The following ZNF565 variants were observed in gnomAD, a reference collection of about 807,000 sequenced individuals.
ZNF565 encodes zinc finger protein 565.
Under a neutral mutation model 39.4 loss-of-function variants are expected in ZNF565, and 27 were observed. The ratio of observed to expected loss-of-function variants is 0.69; its 90% confidence interval spans 0.51 to 0.95. The LOEUF (loss-of-function observed/expected upper bound fraction) is 0.95, where lower values mean the gene tolerates loss of function less well. Ranked by LOEUF, ZNF565 falls within the 40% of genes least tolerant of loss-of-function variation. ZNF565 has a pLI of 0.00. For synonymous variants in ZNF565, 185 were observed against 216.6 expected (o/e 0.85, Z 1.28); for missense variants, 524 against 621.1 (o/e 0.84, Z 1.66).
intron 1 of ZNF565, among the ~76,000 whole-genome samples, chr19:36,239,127 G>T (rs1977752299): frequency 6.6e-6 from 1 of 152,146 alleles, no homozygotes; most frequent in Admixed American, 6.6e-5. Context: ...GGGGACCGCT[G>T]CACTATATGA....
chr19:36,192,082 G>A (rs1975572760), intron 4 of ZNF565, among the ~76,000 whole-genome samples: 1 of 149,982 alleles, frequency 6.7e-6, no homozygotes, highest in South Asian at 2.1e-4. Flanking sequence ...TCCGCCTCCC[G>A]GGTTCAAGCG....
chr19:36,244,147 C>T (rs905571073), intron 1 of ZNF565, among the ~76,000 whole-genome samples: 2 of 151,918 alleles, frequency 1.3e-5, no homozygotes, highest in African/African-American at 4.8e-5. Flanking sequence ...GTCTGAGTGG[C>T]TGGGGGCAGG....
At chr19:36,206,286 C>A (rs1976150953) in intron 1 of ZNF565, among the ~76,000 whole-genome samples, 1 of 151,784 alleles carries the variant, frequency 6.6e-6, no homozygotes, top group African/African-American at 2.4e-5. Context: ...TGGGAAGAGA[C>A]AACCAACAAA....
intron 4 of ZNF565, among the ~76,000 whole-genome samples, chr19:36,190,933 A>C (rs1196246873): frequency 1.3e-5 from 2 of 150,658 alleles, no homozygotes; most frequent in Non-Finnish European, 3.0e-5. Flanking sequence ...CTGAGGTTGC[A>C]ATGAGCTGAG....
Position 36,245,407 on chromosome 19 carries a change from C to T in ZNF565, c.55+69G>A, listed in dbSNP as rs1215901677. On this transcript the variant is annotated intron_variant, in intron 1 of 4. Transcript: ENST00000355114. The surrounding 1 kb of genome is among the most constrained non-coding windows in gnomAD (Gnocchi z 4.4). ...AGTCACTGCGACCCGGAAAGCTCCGCGCTTACGACGCCCACCCAGAAAATC... is the reference window on the plus strand; with the variant it reads ...AGTCACTGCGACCCGGAAAGCTCCGTGCTTACGACGCCCACCCAGAAAATC... 1 of 700,450 alleles carries T rather than the reference C, an allele frequency of 1.4e-6. No homozygotes were observed. The highest frequency in any genetic ancestry group is 2.6e-6 in the Non-Finnish European group (1 of 383,884). 43.4% of individuals were successfully genotyped at this position (700,450 alleles called of 1,614,324 possible).
At chr19:36,210,829 C>T (rs1976327681) in intron 1 of ZNF565, among the ~76,000 whole-genome samples, 1 of 151,908 alleles carries the variant, frequency 6.6e-6, no homozygotes, top group Admixed American at 6.6e-5. Flanking sequence ...CCAATGGTCC[C>T]CGGGAAATTT....
chr19:36,198,053 G>T (rs1568417425), intron 2 of ZNF565, among the ~76,000 whole-genome samples: 1 of 152,006 alleles, frequency 6.6e-6, no homozygotes, highest in East Asian at 1.9e-4. Context: ...GGAGGCTGAG[G>T]CAGGAGAATC....
At chr19:36,221,235 A>G (rs1976821278) in intron 1 of ZNF565, among the ~76,000 whole-genome samples, 1 of 151,768 alleles carries the variant, frequency 6.6e-6, no homozygotes, top group African/African-American at 2.4e-5. Context: ...TTATGTTACT[A>G]AATTAACATA....
intron 1 of ZNF565, among the ~76,000 whole-genome samples, chr19:36,220,310 TAAATGG>T (rs1568429026): frequency 3.3e-5 from 5 of 150,582 alleles, no homozygotes; most frequent in East Asian, 2.0e-4. Context: ...TAATTCACTT[TAAATGG>T]TATAGTATTT....
At chr19:36,216,395 C>G (rs934590757), upstream of ZNF565, among the ~76,000 whole-genome samples, 16 of 152,022 alleles carry the variant, frequency 1.1e-4, no homozygotes, top group Admixed American at 1.0e-3. Context: ...AATCCTAGCA[C>G]TTTGGGAGGC....
chr19:36,190,331 C>T (rs1034470469), intron 4 of ZNF565, among the ~76,000 whole-genome samples: 4 of 151,442 alleles, frequency 2.6e-5, no homozygotes, highest in African/African-American at 9.7e-5. Context: ...AATCCCAGCA[C>T]TTTGTGAGGC....
chr19:36,243,588 AG>A lies in ZNF565; in HGVS notation c.55+1887del, dbSNP rs773884994. ...TCCTTTATCTTTTGGCTTTGGAAGG[AG>A]GGAAGTCTCAGAGCTGTGTGATGGG... On this transcript the variant is annotated intron_variant, in intron 1 of 4. Coordinates refer to the ZNF565 transcript ENST00000355114. Among the ~76,000 whole-genome samples the A allele has an allele frequency of 9.3e-4, 141 of 152,286 alleles. 1 individual carries two copies. Among genetic ancestry groups the A allele is most frequent in the Non-Finnish European group, 1.9e-3 (131 of 68,026 alleles).
At position 36,194,214 on chromosome 19, in the gene ZNF565, G is replaced by A. The variant is rs374652505; in HGVS notation, c.232+19C>T. 2.7e-5 allele frequency: 43 copies of A among 1,598,428 alleles called. No individual in the cohort carries two copies. In the African/African-American group the frequency reaches 3.9e-4, roughly 14 times the overall value. On this transcript the variant is annotated intron_variant, in intron 4 of 4. Coordinates refer to ENST00000304116, the MANE Select transcript of ZNF565 (RefSeq NM_152477.5). ...ACTCATCCAGGGACCTTCCCCTGTC[G>A]AAATCGGCCCTCGCTTACCTGGGCA...
chr19:36,199,912 C>CA (rs1363617088), intron 2 of ZNF565, among the ~76,000 whole-genome samples: 2 of 152,124 alleles, frequency 1.3e-5, no homozygotes, highest in African/African-American at 4.8e-5. Context: ...CCTCCTACCT[C>CA]AGCCTCCCAA....
intron 1 of ZNF565, among the ~76,000 whole-genome samples, chr19:36,230,331 T>C (rs1348787658): frequency 6.6e-6 from 1 of 152,226 alleles, no homozygotes; most frequent in Non-Finnish European, 1.5e-5. Flanking sequence ...AAATGTCAGC[T>C]ATCAAAACAG....
rs1599908947 is a variant in ZNF565 at position 36,184,990 on chromosome 19, C to T, written c.233-1257G>A. On this transcript the variant is annotated intron_variant, in intron 4 of 4. Coordinates refer to ENST00000304116, the MANE Select transcript of ZNF565 (RefSeq NM_152477.5). ...AAAAATTAGCAGGCATGGTGGCAGG[C>T]GCCTATAATCCCAGCTGCTTGGGAG... 2.0e-5 allele frequency among the ~76,000 whole-genome samples: 3 copies of T among 151,778 alleles called. No individual in the cohort carries two copies. The Middle Eastern group carries it at 0.01, about 516-fold the overall frequency.
At chr19:36,229,833 C>T (rs566428618) in intron 1 of ZNF565, among the ~76,000 whole-genome samples, 1 of 152,290 alleles carries the variant, frequency 6.6e-6, no homozygotes, top group South Asian at 2.1e-4. Context: ...GATTCTTGTG[C>T]CTCAGGCTCC....
At chr19:36,244,305 AT>A (rs1480613970) in intron 1 of ZNF565, among the ~76,000 whole-genome samples, 1 of 152,154 alleles carries the variant, frequency 6.6e-6, no homozygotes, top group African/African-American at 2.4e-5. Flanking sequence ...CACGCCTGTA[AT>A]CCCGGGAGGC....
intron 1 of ZNF565, among the ~76,000 whole-genome samples, chr19:36,240,539 C>G (rs1977780294): frequency 6.6e-6 from 1 of 152,292 alleles, no homozygotes; most frequent in East Asian, 1.9e-4. Flanking sequence ...AATTTAATTG[C>G]CATGGTAATG....
Sources: gnomAD v4.1 joint callset for allele counts (sites outside exome capture counted in the v4.1 genomes callset) on GRCh38, gnomAD v4.1.1 for gene constraint, Gnocchi (gnomAD v3.1) non-coding constraint, MANE v1.5 for transcripts, NCBI Gene and HGNC (gene_info 2026-07-23, HGNC 2026-07-21) for gene names.